AOPEP: variants seen among roughly 807,000 people sequenced by gnomAD.
AOPEP encodes aminopeptidase O (putative), also known as aminopeptidase O.
AOPEP carries 77 observed loss-of-function variants against 98.1 expected under a neutral mutation model. The ratio of observed to expected loss-of-function variants is 0.78; its 90% CI spans 0.65 to 0.95. AOPEP has a LOEUF of 0.95. Among genes scored for constraint, AOPEP ranks in the 40% least tolerant of loss-of-function variants. The probability of loss-of-function intolerance (pLI) is 0.00; values close to 1 mark genes in which losing one functional copy is unlikely to be tolerated. For synonymous variants in AOPEP, 346 were observed against 365.3 expected (o/e 0.95, Z 0.60); for missense variants, 1,024 against 1,024.7 (o/e 1.00, Z 0.01).
chr9:95,051,322 T>G (rs1761773036), intron 13 of AOPEP, among the ~76,000 whole-genome samples: 1 of 152,224 alleles, frequency 6.6e-6, no homozygotes, highest in African/African-American at 2.4e-5. Flanking sequence ...TCTCTTGACC[T>G]TGTGATCTAT....
At chr9:95,145,894 A>T in the AOPEP span, among the ~76,000 whole-genome samples, 1 of 152,162 alleles carries the variant, frequency 6.6e-6, no homozygotes, top group Non-Finnish European at 1.5e-5. Context: ...AAAACAAAAA[A>T]CAAAGAGGGA....
intron 10 of AOPEP, among the ~76,000 whole-genome samples, chr9:94,978,250 C>T (rs1428778006): frequency 3.3e-5 from 5 of 151,998 alleles, no homozygotes; most frequent in African/African-American, 1.2e-4. Context: ...CATACTTTTA[C>T]ATATGATGTA....
chr9:95,091,133 C>T (rs1173706995), downstream of AOPEP, among the ~76,000 whole-genome samples: 8 of 152,334 alleles, frequency 5.3e-5, no homozygotes, highest in East Asian at 1.2e-3. Flanking sequence ...GGCCAAGGGC[C>T]GCTTTCAAGG....
the AOPEP span, among the ~76,000 whole-genome samples, chr9:95,097,398 A>G: frequency 2.0e-5 from 3 of 152,166 alleles, no homozygotes; most frequent in African/African-American, 7.2e-5. Flanking sequence ...GTGATTTCCT[A>G]GCATCCCTGG....
the AOPEP span, chr9:95,135,399 T>C: frequency 3.7e-6 from 6 of 1,614,044 alleles, no homozygotes; most frequent in African/African-American, 8.0e-5. Flanking sequence ...TTTCTCTCAC[T>C]GGAGATTAGC....
chr9:94,984,224 G>A (rs939606858), intron 11 of AOPEP, among the ~76,000 whole-genome samples: 3 of 151,998 alleles, frequency 2.0e-5, no homozygotes, highest in East Asian at 1.9e-4. Context: ...TAATAGAGAC[G>A]GGGTTTCACC....
chr9:94,776,274 G>T (rs7341710), intron 3 of AOPEP, among the ~76,000 whole-genome samples: 2 of 151,998 alleles, frequency 1.3e-5, no homozygotes, highest in African/African-American at 4.8e-5. Flanking sequence ...GTAACAGAGC[G>T]TAAAGAGTAT....
At chr9:95,111,684 T>C in the AOPEP span, 33 of 1,611,370 alleles carry the variant, frequency 2.0e-5, no homozygotes, top group East Asian at 6.9e-4. Flanking sequence ...TAAATTCTTC[T>C]TCCTTTGGGT....
chr9:95,052,642 A>G (rs1187054434), intron 13 of AOPEP, among the ~76,000 whole-genome samples: 1 of 152,238 alleles, frequency 6.6e-6, no homozygotes, highest in Non-Finnish European at 1.5e-5. Context: ...ATTAACTAAA[A>G]TTACTAAATT....
rs72185513 is a variant in AOPEP at position 94,916,710 on chromosome 9, TTAAA to T, written c.1365-7251_1365-7248del. Among the ~76,000 whole-genome samples the T allele has an allele frequency of 3.8e-3, 540 of 143,076 alleles. 4 individuals carry two copies. The highest frequency in any genetic ancestry group is 0.012 in the African/African-American group (426 of 36,254). The allele number at this position is 143,076 out of a possible 152,430, so 93.9% of individuals were successfully genotyped here. A position where few individuals can be genotyped will look rare whatever the true frequency, so the allele number is the denominator to read the frequency against. ...ACTCCCTCTCAAAAAAAAAAAAAAA[TTAAA>T]TAAATAAATAAATAAATAAATAAAG... On this transcript the variant is annotated intron_variant, in intron 5 of 16. Transcript: ENST00000375315.
chr9:94,771,758 C>T (rs1840941141), intron 2 of AOPEP, among the ~76,000 whole-genome samples: 2 of 152,198 alleles, frequency 1.3e-5, no homozygotes, highest in South Asian at 2.1e-4. Context: ...CCCACTGTGA[C>T]TCTGGCTTCT....
chr9:95,006,732 AG>A (rs139191161), intron 13 of AOPEP, among the ~76,000 whole-genome samples: 3,328 of 152,200 alleles, frequency 0.022, 52 homozygotes, highest in Non-Finnish European at 0.034. Flanking sequence ...GATTTGGAAC[AG>A]ACTTGAGTTT....
At chr9:95,131,339 A>G in the AOPEP span, among the ~76,000 whole-genome samples, 1 of 152,204 alleles carries the variant, frequency 6.6e-6, no homozygotes, top group Admixed American at 6.5e-5. Flanking sequence ...AAAGCTCCTC[A>G]GCCCCCTGCT....
At chr9:94,815,077 GT>G (rs1675462810) in intron 5 of AOPEP, among the ~76,000 whole-genome samples, 1 of 152,168 alleles carries the variant, frequency 6.6e-6, no homozygotes, top group African/African-American at 2.4e-5. Context: ...GGCTTTCTTG[GT>G]CCCATATTTG....
At chr9:95,094,464 C>T in the AOPEP span, among the ~76,000 whole-genome samples, 1 of 152,140 alleles carries the variant, frequency 6.6e-6, no homozygotes, top group Non-Finnish European at 1.5e-5. Context: ...TGAAACGGGA[C>T]CCATTCAACA....
At chr9:94,745,377 G>A (rs1447510276) in intron 1 of AOPEP, among the ~76,000 whole-genome samples, 2 of 151,574 alleles carry the variant, frequency 1.3e-5, no homozygotes, top group Admixed American at 6.6e-5. Flanking sequence ...CTGGGTCCAC[G>A]CCATTCTCCT....
chr9:94,901,479 G>A (rs910967946), intron 5 of AOPEP, among the ~76,000 whole-genome samples: 1 of 151,696 alleles, frequency 6.6e-6, no homozygotes, highest in African/African-American at 2.4e-5. Flanking sequence ...GTTAAATGTG[G>A]GATTTCTCTC....
At chr9:94,941,009 G>A (rs1035735074) in intron 7 of AOPEP, among the ~76,000 whole-genome samples, 6 of 152,150 alleles carry the variant, frequency 3.9e-5, no homozygotes, top group Non-Finnish European at 5.9e-5. Flanking sequence ...AAAAGTGCAA[G>A]AATGCCTGGT....
At chr9:94,902,549 A>C (rs1434523892) in intron 5 of AOPEP, among the ~76,000 whole-genome samples, 1 of 152,180 alleles carries the variant, frequency 6.6e-6, no homozygotes, top group Non-Finnish European at 1.5e-5. Flanking sequence ...TTTACCCAAG[A>C]CATTAGTACT....
Sources: gnomAD v4.1 joint callset for allele counts (sites outside exome capture counted in the v4.1 genomes callset) on GRCh38, gnomAD v4.1.1 for gene constraint, MANE v1.5 for transcripts, NCBI Gene and HGNC (gene_info 2026-07-23, HGNC 2026-07-21) for gene names.